COL4A2: variants seen among roughly 807,000 people sequenced by gnomAD.
The protein encoded by COL4A2 is collagen type IV alpha 2 chain.
Under a neutral mutation model 200.2 loss-of-function variants are expected in COL4A2, and 99 were observed. The observed-to-expected ratio is 0.49, with a 90% CI of 0.42 to 0.58. COL4A2 has a LOEUF of 0.58. Ranked by LOEUF, COL4A2 falls within the 20% of genes least tolerant of loss-of-function variation. COL4A2 has a pLI of 0.00. For missense variants in COL4A2, 1,950 were observed against 2,314.1 expected (o/e 0.84, Z 3.23); for synonymous variants, 897 against 900.6 (o/e 1.00, Z 0.07).
intron 4 of COL4A2, among the ~76,000 whole-genome samples, chr13:110,390,617 T>C (rs995211393): frequency 1.3e-5 from 2 of 152,234 alleles, no homozygotes; most frequent in African/African-American, 4.8e-5. Context: ...AGTTATTCCA[T>C]AGGGCAGCTG....
chr13:110,420,713 G>T (rs1880215671), intron 4 of COL4A2, among the ~76,000 whole-genome samples: 1 of 152,186 alleles, frequency 6.6e-6, no homozygotes, highest in East Asian at 1.9e-4. Flanking sequence ...GATTAGCACA[G>T]AGGAAAACCC....
chr13:110,427,257 C>A (rs1411682209), intron 6 of COL4A2, among the ~76,000 whole-genome samples: 1 of 152,150 alleles, frequency 6.6e-6, no homozygotes. Context: ...TCAAGCAATT[C>A]TCATGGCTTA....
intron 24 of COL4A2, 52 bp downstream of exon 24, chr13:110,462,436 G>T: frequency 6.3e-7 from 1 of 1,587,880 alleles, no homozygotes; most frequent in Non-Finnish European, 8.6e-7. Flanking sequence ...CATCCTTCAG[G>T]TTCTCCAAAC....
At chr13:110,401,808 A>G (rs1384190478) in intron 4 of COL4A2, among the ~76,000 whole-genome samples, 1 of 152,250 alleles carries the variant, frequency 6.6e-6, no homozygotes, top group African/African-American at 2.4e-5. Context: ...GGTAAGTCCA[A>G]GATCAAAGTA....
intron 4 of COL4A2, among the ~76,000 whole-genome samples, chr13:110,375,802 C>T (rs1878212757): frequency 6.6e-6 from 1 of 151,910 alleles, no homozygotes; most frequent in Non-Finnish European, 1.5e-5. Flanking sequence ...TGCACTCCAG[C>T]CTGGATGACA....
chr13:110,307,945 G>A lies in COL4A2; in HGVS notation c.42G>A (p.Arg14=). Reference sequence around the variant, plus strand: ...GCGCGGTGGCCGGCCCTGCCCTACGGCGGTAAGCGACTTTCTGCCTGGTCC... The same window carrying A: ...GCGCGGTGGCCGGCCCTGCCCTACGACGGTAAGCGACTTTCTGCCTGGTCC... ...DQRAVAGPAL[R]RWLLLGTVTV... is the part of the protein sequence containing the mutation. Residue 14 remains arginine (R), a splice_region_variant and synonymous_variant, in exon 2 of 48, where the codon CGG becomes CGA. Coordinates refer to ENST00000360467, the MANE Select transcript of COL4A2 (RefSeq NM_001846.4). The surrounding 1 kb of genome is among the most constrained non-coding windows in gnomAD (Gnocchi z 5.0). 1 of 1,612,924 alleles carries A rather than the reference G, an allele frequency of 6.2e-7. No homozygotes were observed. Among genetic ancestry groups the A allele is most frequent in the Non-Finnish European group, 8.5e-7 (1 of 1,179,726 alleles).
intron 43 of COL4A2, 94 bp downstream of exon 43, chr13:110,503,575 C>T: frequency 1.3e-6 from 1 of 790,098 alleles, no homozygotes; most frequent in Non-Finnish European, 2.0e-6. Context: ...AGGATCCTCT[C>T]TGGCATGGGT....
chr13:110,323,589 C>T (rs977504089), intron 3 of COL4A2, among the ~76,000 whole-genome samples: 1 of 152,186 alleles, frequency 6.6e-6, no homozygotes, highest in African/African-American at 2.4e-5. Flanking sequence ...TGCCAGCTTC[C>T]CCTACCTGCT....
intron 4 of COL4A2, among the ~76,000 whole-genome samples, chr13:110,382,439 G>A (rs1378708965): frequency 2.0e-5 from 3 of 152,194 alleles, no homozygotes; most frequent in Non-Finnish European, 4.4e-5. Context: ...AGCAGTAAAT[G>A]AGTAAAGTAT....
At position 110,418,869 on chromosome 13, in the gene COL4A2, T is replaced by C. The variant is rs112777231; in HGVS notation, c.181-5865T>C. ...TTGGAACATGCTACTAATTTCATCT[T>C]GCCAGGGTAGTCTAAAAATTGCTCA... On this transcript the variant is annotated intron_variant, in intron 4 of 47. Transcript: ENST00000360467. 5.3e-5 allele frequency among the ~76,000 whole-genome samples: 8 copies of C among 152,340 alleles called. 1 individual carries two copies. The highest frequency in any genetic ancestry group is 1.7e-4 in the African/African-American group (7 of 41,578).
intron 4 of COL4A2, among the ~76,000 whole-genome samples, chr13:110,382,566 A>G (rs1396265520): frequency 6.6e-6 from 1 of 152,262 alleles, no homozygotes; most frequent in Non-Finnish European, 1.5e-5. Context: ...ACAATGAATT[A>G]TATAAAATAA....
intron 3 of COL4A2, 85 bp downstream of exon 3, chr13:110,308,208 T>G (rs1884856325): frequency 1.1e-5 from 16 of 1,496,310 alleles, no homozygotes; most frequent in Non-Finnish European, 1.5e-5. Context: ...AGCTCGTCCG[T>G]GCGCTCCCGA....
chr13:110,361,587 A>G (rs1877515734), intron 4 of COL4A2, among the ~76,000 whole-genome samples: 1 of 152,238 alleles, frequency 6.6e-6, no homozygotes, highest in African/African-American at 2.4e-5. Flanking sequence ...ACTTTTGGAC[A>G]CGAAGCAGAA....
intron 18 of COL4A2, 43 bp downstream of exon 18, chr13:110,446,907 C>CA (rs772507197): frequency 6.6e-7 from 1 of 1,525,544 alleles, no homozygotes; most frequent in South Asian, 1.2e-5. Flanking sequence ...ATCGCATACA[C>CA]ATTCTCTCCT....
chr13:110,388,278 C>CT (rs1381062331), intron 4 of COL4A2, among the ~76,000 whole-genome samples: 1 of 152,230 alleles, frequency 6.6e-6, no homozygotes, highest in Non-Finnish European at 1.5e-5. Context: ...AGCCAGGCAG[C>CT]TGCCGGCACC....
At chr13:110,408,821 A>G (rs1243201735) in intron 4 of COL4A2, among the ~76,000 whole-genome samples, 4 of 147,330 alleles carry the variant, frequency 2.7e-5, no homozygotes, top group Non-Finnish European at 6.0e-5. Context: ...ATACACACAC[A>G]CATGCACACA....
chr13:110,438,603 T>C lies in COL4A2; in HGVS notation c.862-15T>C. On this transcript the variant is annotated splice_polypyrimidine_tract_variant and intron_variant, in intron 14 of 47. Coordinates refer to ENST00000360467, the MANE Select transcript of COL4A2 (RefSeq NM_001846.4). Reference sequence around the variant, plus strand: ...CCCCTGGGTTGCTCCTTACGCCCCCTCTGCTCTCTCCTAGGGCATTTCCTT... The same window carrying C: ...CCCCTGGGTTGCTCCTTACGCCCCCCCTGCTCTCTCCTAGGGCATTTCCTT... The C allele has an allele frequency of 6.8e-6, 11 of 1,614,176 alleles. No individual in the cohort carries two copies. Among genetic ancestry groups the C allele is most frequent in the Admixed American group, 1.7e-5 (1 of 60,036 alleles).
intron 3 of COL4A2, among the ~76,000 whole-genome samples, chr13:110,311,611 TG>T (rs1884985074): frequency 6.6e-6 from 1 of 152,210 alleles, no homozygotes; most frequent in Non-Finnish European, 1.5e-5. Flanking sequence ...TGGCACAGCC[TG>T]GGTGCCAGGA....
chr13:110,382,736 G>A (rs2139412736), intron 4 of COL4A2, among the ~76,000 whole-genome samples: 1 of 152,280 alleles, frequency 6.6e-6, no homozygotes, highest in Non-Finnish European at 1.5e-5. Flanking sequence ...AAACTTTAAG[G>A]AACGCTAGCT....
Sources: allele counts gnomAD v4.1 joint callset (sites outside exome capture counted in the v4.1 genomes callset), GRCh38; gene constraint gnomAD v4.1.1; non-coding constraint Gnocchi (gnomAD v3.1); transcripts MANE v1.5; gene names NCBI Gene and HGNC (gene_info 2026-07-23, HGNC 2026-07-21).